Variants in CCDC171 observed in about 807,000 individuals in gnomAD.
CCDC171 encodes coiled-coil domain-containing protein 171.
A neutral mutation model predicts 168.2 loss-of-function variants in CCDC171; 177 were observed. The observed-to-expected ratio is 1.05, with a 90% CI of 0.93 to 1.19. The LOEUF is 1.19. CCDC171 is among the 50% of genes most tolerant of loss of function. The pLI is 0.00. For synonymous variants in CCDC171, 687 were observed against 540.8 expected, an observed-to-expected ratio of 1.27 and a Z score of -3.75; for missense variants, 1,991 against 1,539.0, an observed-to-expected ratio of 1.29 and a Z score of -4.91.
At chr9:15,840,400 T>G (rs975782585) in intron 21 of CCDC171, among the ~76,000 whole-genome samples, 1 of 152,140 alleles carries the variant, frequency 6.6e-6, no homozygotes, top group African/African-American at 2.4e-5. Context: ...AGCAATTTTT[T>G]GGACCTCCAC....
At chr9:15,678,444 G>A (rs2049796326) in intron 9 of CCDC171, among the ~76,000 whole-genome samples, 1 of 152,054 alleles carries the variant, frequency 6.6e-6, no homozygotes, top group South Asian at 2.1e-4. Context: ...TAGTCTCTGA[G>A]CTAATTGAAC....
intron 9 of CCDC171, among the ~76,000 whole-genome samples, chr9:15,668,565 TAATA>T (rs1428740881): frequency 1.3e-5 from 2 of 152,094 alleles, no homozygotes; most frequent in African/African-American, 2.4e-5. Context: ...AGTTAAATAA[TAATA>T]AATAAATAAT....
chr9:16,104,038 G>T, the CCDC171 span, among the ~76,000 whole-genome samples: 1 of 152,118 alleles, frequency 6.6e-6, no homozygotes, highest in East Asian at 1.9e-4. Context: ...TGTGGCTTTG[G>T]CTTTTTTACC....
intron 21 of CCDC171, among the ~76,000 whole-genome samples, chr9:15,813,138 G>T (rs1043911125): frequency 2.7e-4 from 41 of 152,180 alleles, no homozygotes; most frequent in Admixed American, 3.9e-4. Context: ...TCTCCTTTGG[G>T]GCTTGCTAGA....
intron 10 of CCDC171, among the ~76,000 whole-genome samples, chr9:15,683,608 C>T (rs1054879904): frequency 7.2e-5 from 11 of 151,966 alleles, no homozygotes; most frequent in South Asian, 2.1e-4. Flanking sequence ...ATATTCATCG[C>T]GTAAGTGTCT....
intron 4 of CCDC171, among the ~76,000 whole-genome samples, chr9:15,584,413 C>T (rs1407909675): frequency 6.6e-6 from 1 of 152,066 alleles, no homozygotes; most frequent in Non-Finnish European, 1.5e-5. Flanking sequence ...ACGCAAAGAA[C>T]CAGGGAAAAC....
chr9:15,603,838 A>G (rs1029740001), intron 6 of CCDC171, among the ~76,000 whole-genome samples: 1 of 152,218 alleles, frequency 6.6e-6, no homozygotes, highest in African/African-American at 2.4e-5. Flanking sequence ...ACTGTCTTCC[A>G]CAATGGTTGA....
At position 15,775,176 on chromosome 9, in the gene CCDC171, T is replaced by C. The variant is rs560704333; in HGVS notation, c.2672-2424T>C. Among the ~76,000 whole-genome samples, 25 of 152,350 alleles carry C rather than the reference T, an allele frequency of 1.6e-4. 2 individuals carry two copies. The South Asian group carries it at 5.2e-3, about 32-fold the overall frequency. ...AAACACTTCTTATTATAGCATACAT[T>C]ATTTAGTGCTCTTACTGTAATTCAT... On this transcript the variant is annotated intron_variant, in intron 18 of 25. Coordinates refer to ENST00000380701, the MANE Select transcript of CCDC171 (RefSeq NM_173550.4).
At chr9:15,872,949 G>A (rs986083250) in intron 23 of CCDC171, among the ~76,000 whole-genome samples, 1 of 152,056 alleles carries the variant, frequency 6.6e-6, no homozygotes, top group Non-Finnish European at 1.5e-5. Flanking sequence ...AAGTTTAACA[G>A]CATTCTTATC....
intron 24 of CCDC171, chr9:15,875,892 TTAAGA>T (rs1276398783): frequency 1.3e-5 from 2 of 152,084 alleles, no homozygotes; most frequent in East Asian, 1.9e-4. Flanking sequence ...GTACTGTTAT[TTAAGA>T]TGAGATTTAA....
At chr9:15,691,379 T>G (rs1231179316) in intron 10 of CCDC171, among the ~76,000 whole-genome samples, 2 of 151,164 alleles carry the variant, frequency 1.3e-5, no homozygotes, top group East Asian at 3.9e-4. Flanking sequence ...TAGATAGATA[T>G]TTCCTATAAT....
chr9:15,926,991 C>G (rs1048631339), intron 25 of CCDC171, among the ~76,000 whole-genome samples: 15 of 151,722 alleles, frequency 9.9e-5, no homozygotes, highest in African/African-American at 3.6e-4. Context: ...AGTATGTACT[C>G]ATTACTATCC....
In CCDC171 at chr9:15,573,177, A is replaced by G. The variant is rs541095847; in HGVS notation, c.177+1418A>G. On this transcript the variant is annotated intron_variant, in intron 3 of 25. Coordinates refer to ENST00000380701, the MANE Select transcript of CCDC171 (RefSeq NM_173550.4). ...ATGAAAAGATGATTTTTTTCAGGAT[A>G]TCTAAGGAGCAGTGGTATTGCTGAT... 3.9e-5 allele frequency among the ~76,000 whole-genome samples: 6 copies of G among 152,256 alleles called. No individual in the cohort carries two copies. The South Asian group carries it at 1.2e-3, about 32-fold the overall frequency.
intron 21 of CCDC171, among the ~76,000 whole-genome samples, chr9:15,793,078 C>T (rs1320503867): frequency 6.6e-6 from 1 of 152,074 alleles, no homozygotes; most frequent in African/African-American, 2.4e-5. Context: ...TCAGGAAACC[C>T]ACCTCACGTG....
downstream of CCDC171, among the ~76,000 whole-genome samples, chr9:16,062,887 T>C (rs1292134958): frequency 2.0e-5 from 3 of 152,188 alleles, no homozygotes; most frequent in African/African-American, 7.2e-5. Context: ...TTCCAATTTG[T>C]AGGGGAGTTT....
chr9:15,994,459 T>C (rs1287772777), intron 3 of CCDC171, among the ~76,000 whole-genome samples: 1 of 152,086 alleles, frequency 6.6e-6, no homozygotes, highest in Admixed American at 6.6e-5. Flanking sequence ...CAGGGAGGGA[T>C]AGCATTTGGA....
the CCDC171 span, among the ~76,000 whole-genome samples, chr9:16,107,861 T>A: frequency 6.6e-6 from 1 of 152,162 alleles, no homozygotes; most frequent in Non-Finnish European, 1.5e-5. Flanking sequence ...TGGTATGTAG[T>A]AGGAGCTATT....
chr9:15,554,802 G>C (rs2038655646), intron 1 of CCDC171, among the ~76,000 whole-genome samples: 1 of 152,138 alleles, frequency 6.6e-6, no homozygotes, highest in Non-Finnish European at 1.5e-5. Flanking sequence ...TCATTTTCCG[G>C]CTGAATATTT....
At chr9:15,713,159 A>G (rs958588812) in intron 11 of CCDC171, among the ~76,000 whole-genome samples, 3 of 152,198 alleles carry the variant, frequency 2.0e-5, no homozygotes, top group African/African-American at 4.8e-5. Context: ...AGGAAGAATG[A>G]TAGTCACATC....
Sources: gnomAD v4.1 joint callset for allele counts (sites outside exome capture counted in the v4.1 genomes callset) on GRCh38, gnomAD v4.1.1 for gene constraint, MANE v1.5 for transcripts, NCBI Gene and HGNC (gene_info 2026-07-23, HGNC 2026-07-21) for gene names.